Variants in SCN1A observed in about 807,000 individuals in gnomAD.
SCN1A encodes the protein sodium voltage-gated channel alpha subunit 1.
SCN1A carries 13 observed loss-of-function variants against 193.7 expected under a neutral mutation model. The ratio of observed to expected loss-of-function variants is 0.07; its 90% CI spans 0.04 to 0.11. The LOEUF is 0.11. Among genes scored for constraint, SCN1A ranks in the 10% least tolerant of loss-of-function variants. The pLI, the probability that SCN1A is intolerant of heterozygous loss-of-function variation, is 1.00. For synonymous variants in SCN1A, 781 were observed against 843.6 expected (o/e 0.93, Z 1.29); for missense variants, 1,432 against 2,451.1 (o/e 0.58, Z 8.78).
intron 1 of SCN1A, among the ~76,000 whole-genome samples, chr2:166,142,687 G>C (rs1161932360): frequency 3.3e-5 from 5 of 152,122 alleles, no homozygotes; most frequent in Admixed American, 3.3e-4. Flanking sequence ...ACAACTTTTA[G>C]AAATCCAATT....
At chr2:166,089,506 A>C (rs1476488313) in intron 2 of SCN1A, among the ~76,000 whole-genome samples, 2 of 152,064 alleles carry the variant, frequency 1.3e-5, no homozygotes, top group Non-Finnish European at 2.9e-5. Flanking sequence ...TGTAAAATGC[A>C]TTTCTCACTG....
chr2:166,056,292 A>C (rs1288928877), intron 6 of SCN1A, 119 bp downstream of exon 6: 1 of 709,520 alleles, frequency 1.4e-6, no homozygotes, highest in African/African-American at 1.8e-5. Flanking sequence ...CTTGCTGCGT[A>C]ATTTTGTCTA....
rs773793558 is a variant in SCN1A, at chr2:166,009,879, T to A, written c.3880-38A>T. The A allele has an allele frequency of 5.0e-6, 8 of 1,592,976 alleles. No individual in the cohort carries two copies. The South Asian group carries it at 8.8e-5, about 18-fold the overall frequency. On this transcript the variant is annotated intron_variant, in intron 22 of 28. Coordinates refer to ENST00000674923, the MANE Select transcript of SCN1A (RefSeq NM_001165963.4). Reference sequence around the variant, plus strand: ...AAATAATAACAATTAATAAACAGAATCATCATTCAATGTGTAGTTGCTATA... The same window carrying A: ...AAATAATAACAATTAATAAACAGAAACATCATTCAATGTGTAGTTGCTATA...
At chr2:166,040,272 C>G (rs1697007619) in intron 16 of SCN1A, among the ~76,000 whole-genome samples, 1 of 152,054 alleles carries the variant, frequency 6.6e-6, no homozygotes, top group African/African-American at 2.4e-5. Flanking sequence ...ACCTTTTTGT[C>G]CAGACTTTAT....
chr2:166,046,618 TAAAC>T, intron 12 of SCN1A, 148 bp downstream of exon 12: 2 of 705,546 alleles, frequency 2.8e-6, no homozygotes, highest in South Asian at 1.9e-5. Flanking sequence ...ATAAAATAAT[TAAAC>T]TAAATAAAAG....
Position 166,038,148 on chromosome 2 carries a change from T to G in SCN1A, c.2590-16A>C. Reference sequence around the variant, plus strand: ...AAACTCGCAGCTGGAAAATGAAAGATTAATATATATTTGTATGATTCTTAA... The same window carrying G: ...AAACTCGCAGCTGGAAAATGAAAGAGTAATATATATTTGTATGATTCTTAA... On this transcript the variant is annotated splice_polypyrimidine_tract_variant and intron_variant, in intron 17 of 28. Coordinates refer to ENST00000674923, the MANE Select transcript of SCN1A (RefSeq NM_001165963.4). 6.4e-7 allele frequency: 1 copy of G among 1,557,316 alleles called. No individual in the cohort carries two copies. The highest frequency in any genetic ancestry group is 8.8e-7 in the Non-Finnish European group (1 of 1,134,046).
At position 166,021,517 on chromosome 2, in the gene SCN1A, C is replaced by T. The variant is rs184048606; in HGVS notation, c.3430-5790G>A. Among the ~76,000 whole-genome samples the T allele has an allele frequency of 5.6e-4, 85 of 151,928 alleles. 1 individual carries two copies. Among genetic ancestry groups the T allele is most frequent in the African/African-American group, 2.0e-3 (85 of 41,468 alleles). On this transcript the variant is annotated intron_variant, in intron 19 of 28. Coordinates refer to ENST00000674923, the MANE Select transcript of SCN1A (RefSeq NM_001165963.4). ...AAATTAAATTAAACAAATAGTAAAC[C>T]TTTTACATAGTCAATAGATTAAAAT...
rs760777182 is a variant in SCN1A, at chr2:166,073,497, T to G, written c.125A>C (p.Lys42Thr). ...CTTTGGGCCATTTTCGTCGTCATCTTTTTTGTCTGGTTTGGGATTCTTTGC... is the reference window on the plus strand; with the variant it reads ...CTTTGGGCCATTTTCGTCGTCATCTGTTTTGTCTGGTTTGGGATTCTTTGC... Reference protein sequence around the residue: ...EKAKNPKPDKKDDDENGPKPN... With the variant: ...EKAKNPKPDKTDDDENGPKPN... Residue 42 changes from lysine (K) to threonine (T), a missense_variant, in exon 4 of 29, where the codon AAA becomes ACA. Physicochemically the swap from Lys to Thr is moderately conservative, Grantham distance 78. Transcript: ENST00000674923. The G allele has an allele frequency of 2.5e-6, 4 of 1,614,204 alleles. No homozygotes were observed. Among genetic ancestry groups the G allele is most frequent in the Non-Finnish European group, 3.4e-6 (4 of 1,180,020 alleles).
intron 4 of SCN1A, among the ~76,000 whole-genome samples, chr2:166,068,523 C>G (rs565306982): frequency 6.6e-6 from 1 of 152,284 alleles, no homozygotes; most frequent in South Asian, 2.1e-4. Flanking sequence ...GCCCATATGA[C>G]AATTCGTGAA....
intron 2 of SCN1A, among the ~76,000 whole-genome samples, chr2:166,101,283 C>T (rs1688035273): frequency 6.8e-6 from 1 of 147,402 alleles, no homozygotes; most frequent in African/African-American, 2.5e-5. Flanking sequence ...ACCGCATATT[C>T]TCACTCATAG....
chr2:166,067,700 C>CTTTTTTTT (rs5836079), intron 4 of SCN1A, among the ~76,000 whole-genome samples: 1 of 128,368 alleles, frequency 7.8e-6, no homozygotes, highest in South Asian at 2.6e-4. Context: ...GAGTACATAG[C>CTTTTTTTT]TTTTTTTTTT....
chr2:166,026,896 G>T (rs1440882777), intron 19 of SCN1A, among the ~76,000 whole-genome samples: 6 of 151,686 alleles, frequency 4.0e-5, no homozygotes, highest in African/African-American at 1.4e-4. Flanking sequence ...TGTTAGCCAG[G>T]GTGGTCTCGA....
chr2:166,024,733 G>A (rs990971477), intron 19 of SCN1A, among the ~76,000 whole-genome samples: 1 of 152,154 alleles, frequency 6.6e-6, no homozygotes, highest in Non-Finnish European at 1.5e-5. Flanking sequence ...TGAAGTCACA[G>A]CTCACTGCAG....
intron 17 of SCN1A, among the ~76,000 whole-genome samples, chr2:166,039,030 G>A (rs1574189305): frequency 1.3e-5 from 2 of 152,226 alleles, no homozygotes; most frequent in South Asian, 4.1e-4. Context: ...ATTAGAAAAA[G>A]TTTCTGCATG....
chr2:166,123,223 CAAAAAAAAAA>C (rs57488795), intron 2 of SCN1A, among the ~76,000 whole-genome samples: 7 of 116,400 alleles, frequency 6.0e-5, no homozygotes, highest in African/African-American at 2.4e-4. Context: ...CATTCATTTG[CAAAAAAAAAA>C]AAAAAAAAAA....
intron 26 of SCN1A, 41 bp from the exon 27 acceptor site, chr2:165,996,158 T>C: frequency 1.6e-6 from 2 of 1,261,354 alleles, no homozygotes; most frequent in Non-Finnish European, 1.1e-6. Flanking sequence ...ACTGTGTCCT[T>C]TTGTACATTT....
intron 20 of SCN1A, among the ~76,000 whole-genome samples, chr2:166,014,986 T>C (rs367909230): frequency 2.0e-5 from 3 of 151,724 alleles, no homozygotes; most frequent in African/African-American, 7.2e-5. Context: ...AGACTGAAGG[T>C]ATACTAGGCC....
chr2:166,034,579 G>A (rs1289801732), intron 19 of SCN1A, among the ~76,000 whole-genome samples: 1 of 152,142 alleles, frequency 6.6e-6, no homozygotes, highest in Non-Finnish European at 1.5e-5. Flanking sequence ...AAGGTGCTTT[G>A]TCCTAGACTC....
chr2:166,141,730 TC>T (rs1178974841), intron 1 of SCN1A, among the ~76,000 whole-genome samples: 2 of 132,936 alleles, frequency 1.5e-5, no homozygotes, highest in African/African-American at 2.7e-5. Flanking sequence ...TTCTTCCTTT[TC>T]TTTTTTTTTT....
Sources: allele counts gnomAD v4.1 joint callset (sites outside exome capture counted in the v4.1 genomes callset), GRCh38; gene constraint gnomAD v4.1.1; transcripts MANE v1.5; gene names NCBI Gene and HGNC (gene_info 2026-07-23, HGNC 2026-07-21).